The following CACNA1C variants were observed in gnomAD, a reference collection of about 807,000 sequenced individuals.
The protein encoded by CACNA1C is calcium voltage-gated channel subunit alpha1 C.
A neutral mutation model predicts 229.0 loss-of-function variants in CACNA1C; 30 were observed. The ratio of observed to expected loss-of-function variants is 0.13; its 90% CI spans 0.10 to 0.18. CACNA1C has a LOEUF of 0.18. CACNA1C is among the 10% of genes least tolerant of loss of function. The pLI is 1.00. For synonymous variants in CACNA1C, 1,114 were observed against 1,132.5 expected (o/e 0.98, Z 0.33); for missense variants, 1,658 against 2,845.0 (o/e 0.58, Z 9.49).
At position 2,234,584 on chromosome 12, in the gene CACNA1C, CA is replaced by C. The variant is rs1166522710; in HGVS notation, c.477+114155del. ...CCCAGCTTTGAGCCTGGTGTAGGGC[CA>C]GGGGCCAGATTGTGGAAATGAGTCT... is the stretch of plus-strand genomic sequence containing the variant. On this transcript the variant is annotated intron_variant, in intron 3 of 46. Coordinates refer to ENST00000399655, the MANE Select transcript of CACNA1C (RefSeq NM_000719.7). 2.0e-5 allele frequency among the ~76,000 whole-genome samples: 3 copies of C among 152,234 alleles called. No homozygotes were observed. The East Asian group carries it at 5.8e-4, about 30-fold the overall frequency.
At chr12:2,159,068 T>G (rs531041390) in intron 3 of CACNA1C, among the ~76,000 whole-genome samples, 6 of 151,960 alleles carry the variant, frequency 3.9e-5, no homozygotes, top group African/African-American at 1.5e-4. Flanking sequence ...AAATATGGAA[T>G]GGAATACCAA....
chr12:2,444,874 A>G (rs2154561770), intron 3 of CACNA1C, among the ~76,000 whole-genome samples: 1 of 152,242 alleles, frequency 6.6e-6, no homozygotes, highest in South Asian at 2.1e-4. Context: ...TGATCTCTGC[A>G]TGGGTCACTC....
At chr12:2,400,386 C>T (rs1040275805) in intron 3 of CACNA1C, among the ~76,000 whole-genome samples, 3 of 152,082 alleles carry the variant, frequency 2.0e-5, no homozygotes, top group Admixed American at 2.0e-4. Context: ...GGCTTATGTG[C>T]CCATAACTGA....
chr12:2,572,337 T>C (rs1305479792), intron 13 of CACNA1C, among the ~76,000 whole-genome samples: 1 of 32,804 alleles, frequency 3.0e-5, no homozygotes, highest in Non-Finnish European at 6.3e-5. Flanking sequence ...CTCCTTCTCT[T>C]CTTCCTCCTC....
chr12:2,501,209 CAAAA>C (rs59324696), intron 7 of CACNA1C, among the ~76,000 whole-genome samples: 97 of 31,348 alleles, frequency 3.1e-3, no homozygotes, highest in African/African-American at 9.2e-3. Context: ...GACTCCACCT[CAAAA>C]AAAAAAAAAA....
chr12:2,582,731 T>G lies in CACNA1C; in HGVS notation c.2104-91T>G, dbSNP rs1163495553. On this transcript the variant is annotated intron_variant, in intron 14 of 46. Coordinates refer to ENST00000399655, the MANE Select transcript of CACNA1C (RefSeq NM_000719.7). ...GAAGTGAAAGGGAAATTTTGGACAA[T>G]TTTGTTGACGTAGTGGGGCAGGGCA... is the stretch of plus-strand genomic sequence containing the variant. The G allele has an allele frequency of 1.6e-5, 23 of 1,431,126 alleles. No individual in the cohort carries two copies. In the East Asian group the frequency reaches 5.3e-4, roughly 33 times the overall value. 88.7% of individuals were successfully genotyped at this position (1,431,126 alleles called of 1,614,324 possible).
At chr12:2,076,413 C>T (rs1026597656) in intron 1 of CACNA1C, among the ~76,000 whole-genome samples, 5 of 152,120 alleles carry the variant, frequency 3.3e-5, no homozygotes, top group Non-Finnish European at 1.5e-5. Flanking sequence ...ACATACAGCT[C>T]AGTGGCCACG....
At chr12:2,568,483 G>C (rs2052498407) in intron 13 of CACNA1C, among the ~76,000 whole-genome samples, 2 of 152,124 alleles carry the variant, frequency 1.3e-5, no homozygotes, top group Admixed American at 6.5e-5. Flanking sequence ...CAAAATAATT[G>C]AAAGTAGGAT....
Position 2,597,115 on chromosome 12 carries a change from G to A in CACNA1C, c.2794-115G>A, listed in dbSNP as rs2068674201. On this transcript the variant is annotated intron_variant, in intron 20 of 46. Transcript: ENST00000399655. The surrounding 1 kb of genome is among the most constrained non-coding windows in gnomAD (Gnocchi z 4.3). ...CCCTGTGCAAAGGCTTAAGTGCCAG[G>A]CATCTCATTTTGAAGTGTGGCCCCT... 2.1e-5 allele frequency: 15 copies of A among 708,526 alleles called. No homozygotes were observed. In the South Asian group the frequency reaches 2.6e-4, roughly 12 times the overall value. The allele number at this position is 708,526 out of a possible 1,614,324, so 43.9% of individuals were successfully genotyped here.
chr12:2,389,794 G>A (rs915971218), intron 3 of CACNA1C, among the ~76,000 whole-genome samples: 6 of 152,086 alleles, frequency 3.9e-5, no homozygotes, highest in Non-Finnish European at 8.8e-5. Context: ...CTGTGGTGCT[G>A]CCCACCCACC....
intron 3 of CACNA1C, among the ~76,000 whole-genome samples, chr12:2,295,915 A>G (rs1264935011): frequency 6.6e-6 from 1 of 152,102 alleles, no homozygotes; most frequent in Non-Finnish European, 1.5e-5. Context: ...GGATTTTTTC[A>G]TTGTTTTGTT....
At position 2,053,689 on chromosome 12, in the gene CACNA1C, G is replaced by T; in HGVS notation, c.49+78G>T. ...TCCTGCCCTACCCGCGCTCCCCGCG[G>T]CCCCGGGGCCGGTCCCTGCGGAGTG... On this transcript the variant is annotated intron_variant, in intron 1 of 46. Coordinates refer to ENST00000399655, the MANE Select transcript of CACNA1C (RefSeq NM_000719.7). The surrounding 1 kb of genome is among the most constrained non-coding windows in gnomAD (Gnocchi z 5.8). 1 of 1,328,334 alleles carries T rather than the reference G, an allele frequency of 7.5e-7. No homozygotes were observed. The highest frequency in any genetic ancestry group is 9.8e-7 in the Non-Finnish European group (1 of 1,016,384). 82.3% of individuals were successfully genotyped at this position (1,328,334 alleles called of 1,614,324 possible). A position where few individuals can be genotyped will look rare whatever the true frequency, so the allele number is the denominator to read the frequency against.
chr12:2,469,021 T>G (rs1412689642), intron 5 of CACNA1C, among the ~76,000 whole-genome samples: 1 of 152,234 alleles, frequency 6.6e-6, no homozygotes, highest in Non-Finnish European at 1.5e-5. Context: ...TTTGTTTTGT[T>G]TTTTAATATT....
intron 1 of CACNA1C, among the ~76,000 whole-genome samples, chr12:2,065,780 C>T (rs1381830305): frequency 3.9e-5 from 6 of 152,020 alleles, no homozygotes; most frequent in African/African-American, 7.2e-5. Flanking sequence ...AGAGGAGAGG[C>T]GCACATTCCC....
At chr12:2,584,395 C>T (rs2061659315) in intron 15 of CACNA1C, 108 bp from the exon 16 acceptor site, 8 of 722,730 alleles carry the variant, frequency 1.1e-5, no homozygotes, top group South Asian at 1.1e-4. Flanking sequence ...CCCCCTCAAG[C>T]TCTCTCTGCT....
At position 2,395,706 on chromosome 12, in the gene CACNA1C, C is replaced by G. The variant is rs528918078; in HGVS notation, c.478-53270C>G. On this transcript the variant is annotated intron_variant, in intron 3 of 46. Coordinates refer to ENST00000399655, the MANE Select transcript of CACNA1C (RefSeq NM_000719.7). ...GCTGTTTCCTTTTTCCAGTCTGAGG[C>G]TTCCCATGTATTCCTTTCAACGCAG... 8.0e-4 allele frequency among the ~76,000 whole-genome samples: 122 copies of G among 152,276 alleles called. 1 individual carries two copies. Among genetic ancestry groups the G allele is most frequent in the African/African-American group, 2.8e-3 (116 of 41,556 alleles).
intron 3 of CACNA1C, among the ~76,000 whole-genome samples, chr12:2,244,154 A>G (rs542312798): frequency 6.6e-5 from 10 of 152,346 alleles, no homozygotes; most frequent in African/African-American, 2.4e-4. Context: ...TATCTGTTTC[A>G]GGGCCTTTGC....
At chr12:2,291,264 C>T (rs867339753) in intron 3 of CACNA1C, among the ~76,000 whole-genome samples, 1 of 152,160 alleles carries the variant, frequency 6.6e-6, no homozygotes, top group South Asian at 2.1e-4. Context: ...CTTTTAATGA[C>T]GGGGACTTAA....
chr12:2,129,248 C>G (rs1465666107), intron 3 of CACNA1C, among the ~76,000 whole-genome samples: 2 of 152,200 alleles, frequency 1.3e-5, no homozygotes, highest in African/African-American at 4.8e-5. Context: ...CTGTCTTCAT[C>G]AGGAACATGG....
Sources: gnomAD v4.1 joint callset for allele counts (sites outside exome capture counted in the v4.1 genomes callset) on GRCh38, gnomAD v4.1.1 for gene constraint, Gnocchi (gnomAD v3.1) non-coding constraint, MANE v1.5 for transcripts, NCBI Gene and HGNC (gene_info 2026-07-23, HGNC 2026-07-21) for gene names.